The following PRPH2 variants were observed in gnomAD, a reference collection of about 807,000 sequenced individuals.
PRPH2 encodes the protein peripherin 2, also known as peripherin-2.
PRPH2 carries 17 observed loss-of-function variants against 31.3 expected under a neutral mutation model. The ratio of observed to expected loss-of-function variants is 0.54; its 90% CI spans 0.37 to 0.81. The LOEUF is 0.81. PRPH2 is among the 40% of genes least tolerant of loss of function. The pLI is 0.00. For synonymous variants in PRPH2, 165 were observed against 184.4 expected (o/e 0.89, Z 0.85); for missense variants, 430 against 439.7 (o/e 0.98, Z 0.20).
intron 2 of PRPH2, among the ~76,000 whole-genome samples, chr6:42,700,448 A>G (rs2152004318): frequency 6.6e-6 from 1 of 152,314 alleles, no homozygotes; most frequent in East Asian, 1.9e-4. Flanking sequence ...CACCTAGAAC[A>G]GTACCAGGTA....
chr6:42,713,726 G>C (rs961357070), intron 1 of PRPH2, among the ~76,000 whole-genome samples: 4 of 151,872 alleles, frequency 2.6e-5, no homozygotes, highest in African/African-American at 9.7e-5. Flanking sequence ...TTTGAGACCA[G>C]CCTGGCCAAC....
intron 1 of PRPH2, 72 bp downstream of exon 1, chr6:42,721,682 C>T: frequency 2.6e-6 from 4 of 1,560,066 alleles, no homozygotes; most frequent in Non-Finnish European, 3.5e-6. Context: ...GGGAGAGGGG[C>T]TGGTCAGAGG....
intron 2 of PRPH2, among the ~76,000 whole-genome samples, chr6:42,699,020 C>A (rs1369139803): frequency 1.3e-5 from 2 of 150,974 alleles, no homozygotes; most frequent in African/African-American, 4.9e-5. Flanking sequence ...AGGTCACCTC[C>A]TTTTCTGCAT....
chr6:42,699,949 C>A (rs1800017581), intron 2 of PRPH2, among the ~76,000 whole-genome samples: 1 of 140,870 alleles, frequency 7.1e-6, no homozygotes. Context: ...TGATAATTAG[C>A]TTATTGTTTT....
intron 1 of PRPH2, among the ~76,000 whole-genome samples, chr6:42,705,590 A>T (rs1376994564): frequency 8.4e-5 from 1 of 11,868 alleles, no homozygotes. Flanking sequence ...AAAAAAAAAA[A>T]AAAAAAAAAA....
At chr6:42,717,903 T>C (rs1342186934) in intron 1 of PRPH2, among the ~76,000 whole-genome samples, 1 of 152,104 alleles carries the variant, frequency 6.6e-6, no homozygotes, top group African/African-American at 2.4e-5. Context: ...CGGTGGCTCA[T>C]GTTTGGAATC....
At chr6:42,715,925 AC>A (rs1761768765) in intron 1 of PRPH2, among the ~76,000 whole-genome samples, 1 of 152,096 alleles carries the variant, frequency 6.6e-6, no homozygotes, top group African/African-American at 2.4e-5. Flanking sequence ...GAATGCAAGC[AC>A]CCAGCTCCTC....
intron 1 of PRPH2, among the ~76,000 whole-genome samples, chr6:42,708,612 A>AGCTT (rs1292484403): frequency 6.6e-6 from 1 of 152,014 alleles, no homozygotes; most frequent in African/African-American, 2.4e-5. Context: ...GTCCTCCTCA[A>AGCTT]GGCTAGGGGC....
At chr6:42,704,337 C>T (rs1199497607) in intron 2 of PRPH2, 28 bp downstream of exon 2, 2 of 1,600,800 alleles carry the variant, frequency 1.2e-6, no homozygotes, top group Non-Finnish European at 1.7e-6. Flanking sequence ...TCTCCTTACC[C>T]TCTACCCCCA....
At chr6:42,707,482 T>C (rs1800189801) in intron 1 of PRPH2, among the ~76,000 whole-genome samples, 1 of 152,118 alleles carries the variant, frequency 6.6e-6, no homozygotes, top group Admixed American at 6.6e-5. Context: ...TGCTGGGGGC[T>C]GAGGTGGGGG....
In PRPH2 at chr6:42,698,320, G is replaced by A. The variant is rs886043500; in HGVS notation, c.1016C>T (p.Ala339Val). The A allele has an allele frequency of 1.2e-6, 2 of 1,613,322 alleles. No homozygotes were observed. The highest frequency in any genetic ancestry group is 1.7e-6 in the Non-Finnish European group (2 of 1,179,484). The change falls in exon 3 of 3, where the codon GCA (alanine) becomes GTA (valine). Residue 339 changes from alanine (A) to valine (V), a missense_variant. Ala to Val is a moderately conservative substitution (Grantham distance 64). Transcript: ENST00000230381. ...GNQVEAEGAD[A>V]GQAPEAG Reference sequence around the variant, plus strand: ...TCAGCCAGCCTCTGGGGCCTGGCCTGCGTCTGCGCCCTCGGCTTCCACCTG... The same window carrying A: ...TCAGCCAGCCTCTGGGGCCTGGCCTACGTCTGCGCCCTCGGCTTCCACCTG...
At chr6:42,701,452 A>C (rs1299942826) in intron 2 of PRPH2, among the ~76,000 whole-genome samples, 1 of 151,190 alleles carries the variant, frequency 6.6e-6, no homozygotes, top group Admixed American at 6.6e-5. Context: ...TAGAGATGAG[A>C]TCTTGCTATG....
chr6:42,699,042 T>C (rs1451660895), intron 2 of PRPH2, among the ~76,000 whole-genome samples: 1 of 33,694 alleles, frequency 3.0e-5, no homozygotes. Flanking sequence ...TGATGTGTGG[T>C]ACTTCTTTTT....
intron 1 of PRPH2, chr6:42,711,833 C>A (rs1761648650): frequency 1.0e-6 from 1 of 985,362 alleles, no homozygotes; most frequent in African/African-American, 1.7e-5. Context: ...AGACTGGGGA[C>A]CCCAGGCTGG....
At position 42,717,636 on chromosome 6, in the gene PRPH2, T is replaced by C. The variant is rs539935364; in HGVS notation, c.581+4118A>G. Among the ~76,000 whole-genome samples, 4 of 152,232 alleles carry C rather than the reference T, an allele frequency of 2.6e-5. No individual in the cohort carries two copies. The South Asian group carries it at 6.2e-4, about 24-fold the overall frequency. On this transcript the variant is annotated intron_variant, in intron 1 of 2. Transcript: ENST00000230381. The stretch of plus-strand genomic sequence containing the variant: ...TTTGTCATGTAAACTCACTAAACCC[T>C]CCAAAATGAAGCCATGAAAACATGA...
At chr6:42,711,225 C>T (rs112047224) in intron 1 of PRPH2, among the ~76,000 whole-genome samples, 5 of 152,242 alleles carry the variant, frequency 3.3e-5, no homozygotes, top group South Asian at 2.1e-4. Flanking sequence ...AGGATGAAAT[C>T]GGGCCCCTCA....
intron 1 of PRPH2, among the ~76,000 whole-genome samples, chr6:42,707,655 CT>C (rs1168146113): frequency 6.6e-6 from 1 of 152,144 alleles, no homozygotes; most frequent in African/African-American, 2.4e-5. Flanking sequence ...AGTTGAGCGT[CT>C]TTTGGTGTGC....
chr6:42,704,270 G>T, intron 2 of PRPH2, 95 bp downstream of exon 2: 3 of 1,507,892 alleles, frequency 2.0e-6, no homozygotes, highest in Non-Finnish European at 2.7e-6. Context: ...TCCAAAGAGG[G>T]AGGCATGCTC....
At position 42,709,934 on chromosome 6, in the gene PRPH2, G is replaced by A. The variant is rs140140438; in HGVS notation, c.582-5323C>T. Among the ~76,000 whole-genome samples, 80 of 152,304 alleles carry A rather than the reference G, an allele frequency of 5.3e-4. 1 individual carries two copies. In the East Asian group the frequency reaches 8.5e-3, roughly 16 times the overall value. On this transcript the variant is annotated intron_variant, in intron 1 of 2. Transcript: ENST00000230381. ...AAGGTGGAGCAAACCTTGCACACCC[G>A]CCTCATGCACACTAAGGTGTCTGTG...
Sources: gnomAD v4.1 joint callset for allele counts (sites outside exome capture counted in the v4.1 genomes callset) on GRCh38, gnomAD v4.1.1 for gene constraint, MANE v1.5 for transcripts, NCBI Gene and HGNC (gene_info 2026-07-23, HGNC 2026-07-21) for gene names.